Variants in ZNF236 observed in about 807,000 individuals in gnomAD.
ZNF236 encodes the protein regulated by glucose.
ZNF236 carries 50 observed loss-of-function variants against 191.2 expected under a neutral mutation model. The ratio of observed to expected loss-of-function variants is 0.26; its 90% CI spans 0.21 to 0.33. ZNF236 has a LOEUF of 0.33. Ranked by LOEUF, ZNF236 falls within the 10% of genes least tolerant of loss-of-function variation. The probability of loss-of-function intolerance (pLI) is 1.00; values close to 1 mark genes in which losing one functional copy is unlikely to be tolerated. For synonymous variants in ZNF236, 907 were observed against 928.8 expected (o/e 0.98, Z 0.43); for missense variants, 1,754 against 2,374.5 (o/e 0.74, Z 5.43).
intron 1 of ZNF236, among the ~76,000 whole-genome samples, chr18:76,840,282 G>A (rs1975443162): frequency 6.6e-6 from 1 of 152,228 alleles, no homozygotes; most frequent in East Asian, 1.9e-4. Flanking sequence ...ATCACCTGAG[G>A]TTGGGAGTTA....
At chr18:76,883,984 A>T (rs1231572783) in intron 9 of ZNF236, among the ~76,000 whole-genome samples, 1 of 152,236 alleles carries the variant, frequency 6.6e-6, no homozygotes, top group Non-Finnish European at 1.5e-5. Flanking sequence ...ATTCACTTTT[A>T]TCAGAGTGAA....
intron 1 of ZNF236, among the ~76,000 whole-genome samples, chr18:76,823,193 C>G (rs1013037274): frequency 2.6e-5 from 4 of 152,188 alleles, no homozygotes; most frequent in Middle Eastern, 3.4e-3. Context: ...GGCCGTGGAG[C>G]GCGGGGTCGT....
intron 30 of ZNF236, among the ~76,000 whole-genome samples, chr18:76,964,955 C>T (rs370670495): frequency 3.9e-5 from 6 of 152,296 alleles, no homozygotes; most frequent in East Asian, 1.9e-4. Context: ...AAGTTTTCCT[C>T]GATTATTCCC....
chr18:76,879,372 A>T (rs1003775656), intron 7 of ZNF236, among the ~76,000 whole-genome samples: 1 of 152,216 alleles, frequency 6.6e-6, no homozygotes, highest in Non-Finnish European at 1.5e-5. Context: ...TCAGTTTCCC[A>T]CATTTCTGAC....
At chr18:76,874,403 T>A (rs1310405009) in intron 5 of ZNF236, among the ~76,000 whole-genome samples, 1 of 152,018 alleles carries the variant, frequency 6.6e-6, no homozygotes, top group Non-Finnish European at 1.5e-5. Context: ...CCTAACTCGA[T>A]TTTGTCTTTT....
intron 10 of ZNF236, among the ~76,000 whole-genome samples, chr18:76,897,433 A>G (rs530782439): frequency 7.5e-4 from 114 of 151,062 alleles, no homozygotes; most frequent in Admixed American, 2.0e-3. Context: ...TAAACACAGT[A>G]CTACACACAA....
intron 2 of ZNF236, among the ~76,000 whole-genome samples, chr18:76,851,048 A>G (rs1357606889): frequency 2.9e-5 from 4 of 136,060 alleles, no homozygotes; most frequent in African/African-American, 5.3e-5. Flanking sequence ...TTTAAAAAAA[A>G]GCTTCATCAT....
chr18:76,917,103 T>G lies in ZNF236; in HGVS notation c.3274+1244T>G, dbSNP rs542656434. ...CCAGAGCCATTGTGCACCTCATTTC[T>G]TTAGTAGATAATTCTGGAATAAAAG... On this transcript the variant is annotated intron_variant, in intron 19 of 30. Coordinates refer to ENST00000320610, the MANE Select transcript of ZNF236 (RefSeq NM_001306089.2). Among the ~76,000 whole-genome samples the G allele has an allele frequency of 8.5e-5, 13 of 152,360 alleles. 1 individual carries two copies. In the South Asian group the frequency reaches 2.7e-3, roughly 32 times the overall value.
chr18:76,952,501 A>G (rs1968432968), intron 27 of ZNF236, among the ~76,000 whole-genome samples: 1 of 152,212 alleles, frequency 6.6e-6, no homozygotes, highest in South Asian at 2.1e-4. Context: ...AGCTGGGACC[A>G]TTTGAAGCAC....
At chr18:76,906,484 G>A (rs1369798805) in intron 13 of ZNF236, among the ~76,000 whole-genome samples, 1 of 152,158 alleles carries the variant, frequency 6.6e-6, no homozygotes, top group Non-Finnish European at 1.5e-5. Flanking sequence ...GCAGGATGAC[G>A]GGTCCCCAGT....
At chr18:76,929,151 T>C (rs1038982910) in intron 25 of ZNF236, among the ~76,000 whole-genome samples, 1 of 151,408 alleles carries the variant, frequency 6.6e-6, no homozygotes, top group African/African-American at 2.4e-5. Context: ...GAAAAGGTAT[T>C]CATAAGAAAA....
chr18:76,929,031 C>T (rs1006850814), intron 25 of ZNF236, among the ~76,000 whole-genome samples: 2 of 148,294 alleles, frequency 1.3e-5, no homozygotes, highest in African/African-American at 5.0e-5. Flanking sequence ...CCCCACTTCC[C>T]TGAAACACAC....
At chr18:76,871,943 C>A in intron 5 of ZNF236, 118 bp downstream of exon 5, 2 of 1,312,446 alleles carry the variant, frequency 1.5e-6, no homozygotes, top group Non-Finnish European at 2.1e-6. Context: ...GCTGGATAAT[C>A]TTGCTGAAAT....
rs1300088191 is a variant in ZNF236, at chr18:76,925,390, C to T, written c.3863C>T (p.Thr1288Ile). The T allele has an allele frequency of 6.2e-7, 1 of 1,614,080 alleles. No individual in the cohort carries two copies. Among genetic ancestry groups the T allele is most frequent in the African/African-American group, 1.3e-5 (1 of 74,916 alleles). Residue 1288 changes from threonine (T) to isoleucine (I), a missense_variant, in exon 22 of 31, where the codon ACT becomes ATT. Thr to Ile is a moderately conservative substitution (Grantham distance 89). Transcript: ENST00000320610. The surrounding 1 kb of genome is among the most constrained non-coding windows in gnomAD (Gnocchi z 5.7). ...PDPKKARKPM[T>I]RSSSEGLQPV... is the part of the protein sequence containing the mutation. ...CCAAAGAAGGCCAGAAAGCCTATGACTCGAAGCTCATCGGAAGGACTGCAG... is the reference window on the plus strand; with the variant it reads ...CCAAAGAAGGCCAGAAAGCCTATGATTCGAAGCTCATCGGAAGGACTGCAG...
At chr18:76,842,312 C>G (rs1975531338) in intron 1 of ZNF236, among the ~76,000 whole-genome samples, 1 of 152,040 alleles carries the variant, frequency 6.6e-6, no homozygotes, top group South Asian at 2.1e-4. Flanking sequence ...TTACCAGCCC[C>G]CATTCCCAGT....
intron 9 of ZNF236, among the ~76,000 whole-genome samples, chr18:76,884,640 G>A (rs1976996797): frequency 6.6e-6 from 1 of 152,050 alleles, no homozygotes; most frequent in African/African-American, 2.4e-5. Flanking sequence ...CGTGAACTTC[G>A]GTGTACTCTA....
intron 10 of ZNF236, among the ~76,000 whole-genome samples, chr18:76,897,737 CCAAA>C (rs1977475139): frequency 6.6e-6 from 1 of 151,800 alleles, no homozygotes; most frequent in Non-Finnish European, 1.5e-5. Context: ...ACACATGGTA[CCAAA>C]CACAGTGCCA....
At chr18:76,924,284 C>T (rs1420802786) in intron 21 of ZNF236, among the ~76,000 whole-genome samples, 5 of 152,224 alleles carry the variant, frequency 3.3e-5, no homozygotes, top group African/African-American at 7.2e-5. Flanking sequence ...TGCCCAGTGA[C>T]GTCCACGATG....
At chr18:76,941,603 G>C (rs1406938208) in intron 26 of ZNF236, among the ~76,000 whole-genome samples, 2 of 152,182 alleles carry the variant, frequency 1.3e-5, no homozygotes, top group African/African-American at 4.8e-5. Context: ...CTTCCACTCT[G>C]GCCTGCGGAC....
Sources: allele counts gnomAD v4.1 joint callset (sites outside exome capture counted in the v4.1 genomes callset), GRCh38; gene constraint gnomAD v4.1.1; non-coding constraint Gnocchi (gnomAD v3.1); transcripts MANE v1.5; gene names NCBI Gene and HGNC (gene_info 2026-07-23, HGNC 2026-07-21).